The following DLGAP2 variants were observed in gnomAD, a reference collection of about 807,000 sequenced individuals.
DLGAP2 encodes disks large-associated protein 2.
In DLGAP2, 26 loss-of-function variants were observed where a neutral mutation model predicts 100.3. That is an observed-to-expected ratio of 0.26 (90% CI 0.19 to 0.36). The LOEUF is 0.36. Ranked by LOEUF, DLGAP2 falls within the 10% of genes least tolerant of loss-of-function variation. DLGAP2 has a pLI of 1.00. For synonymous variants in DLGAP2, 886 were observed against 630.1 expected (o/e 1.41, Z -6.08); for missense variants, 1,858 against 1,453.2 (o/e 1.28, Z -4.53).
chr8:1,312,231 A>G (rs534937009), intron 3 of DLGAP2, among the ~76,000 whole-genome samples: 53 of 152,318 alleles, frequency 3.5e-4, no homozygotes, highest in Middle Eastern at 6.8e-3. Flanking sequence ...TATAAAACAC[A>G]GGGTCTAGAA....
intron 2 of DLGAP2, among the ~76,000 whole-genome samples, chr8:908,800 A>T (rs1798430086): frequency 6.6e-6 from 1 of 152,216 alleles, no homozygotes; most frequent in Admixed American, 6.5e-5. Flanking sequence ...GTGTGCTGTC[A>T]AGTATGTATT....
At chr8:829,919 C>G (rs1439326793) in intron 1 of DLGAP2, among the ~76,000 whole-genome samples, 1 of 152,182 alleles carries the variant, frequency 6.6e-6, no homozygotes, top group Non-Finnish European at 1.5e-5. Context: ...GTACCAGTCT[C>G]TTGTTATTGA....
rs139369509 is a variant in DLGAP2 at position 1,174,385 on chromosome 8, C to G, written c.74-84466C>G. Among the ~76,000 whole-genome samples, 1,122 of 151,884 alleles carry G rather than the reference C, an allele frequency of 7.4e-3. 8 individuals are homozygous for G. The highest frequency in any genetic ancestry group is 0.013 in the Non-Finnish European group (880 of 67,978). On this transcript the variant is annotated intron_variant, in intron 2 of 14. Transcript: ENST00000637795. ...CCAAAATCATTATCATTACCATTACCACCATCATCATTACCATCACCAAAA... is the reference window on the plus strand; with the variant it reads ...CCAAAATCATTATCATTACCATTACGACCATCATCATTACCATCACCAAAA...
At chr8:918,938 CTGT>C (rs1798651306) in intron 2 of DLGAP2, among the ~76,000 whole-genome samples, 1 of 151,850 alleles carries the variant, frequency 6.6e-6, no homozygotes, top group African/African-American at 2.4e-5. Context: ...TTTTTTGTTG[CTGT>C]TGTTGTTTGT....
At chr8:924,084 C>T (rs1367001584) in intron 2 of DLGAP2, among the ~76,000 whole-genome samples, 1 of 152,198 alleles carries the variant, frequency 6.6e-6, no homozygotes, top group Admixed American at 6.5e-5. Context: ...AGCCTATAAA[C>T]ATGAGAAGTG....
intron 8 of DLGAP2, among the ~76,000 whole-genome samples, chr8:1,650,985 T>C (rs1051100674): frequency 5.3e-5 from 8 of 152,190 alleles, no homozygotes; most frequent in Admixed American, 5.2e-4. Context: ...CTGCTTCTCA[T>C]GTCTGCCTCC....
intron 2 of DLGAP2, among the ~76,000 whole-genome samples, chr8:1,184,327 G>T (rs1488758627): frequency 6.6e-6 from 1 of 152,270 alleles, no homozygotes; most frequent in Non-Finnish European, 1.5e-5. Context: ...AGTAGTGGGA[G>T]ATGCGTCCGA....
intron 3 of DLGAP2, among the ~76,000 whole-genome samples, chr8:1,451,714 C>G (rs1250165944): frequency 6.6e-6 from 1 of 152,190 alleles, no homozygotes; most frequent in East Asian, 1.9e-4. Context: ...CATGCTGCCT[C>G]CGCCTCAGCA....
chr8:1,692,487 A>C (rs1299146710), intron 13 of DLGAP2, among the ~76,000 whole-genome samples: 4 of 152,088 alleles, frequency 2.6e-5, no homozygotes, highest in Admixed American at 1.3e-4. Context: ...AGCAGTACCG[A>C]GGCAGGGAGG....
chr8:1,269,808 T>C (rs1168306720), intron 3 of DLGAP2, among the ~76,000 whole-genome samples: 1 of 152,128 alleles, frequency 6.6e-6, no homozygotes, highest in African/African-American at 2.4e-5. Context: ...ATTGTATTTT[T>C]AAAGCTAGAG....
chr8:1,643,399 C>T (rs1465727433), intron 8 of DLGAP2, among the ~76,000 whole-genome samples: 5 of 23,282 alleles, frequency 2.1e-4, no homozygotes, highest in African/African-American at 6.1e-4. Flanking sequence ...CCCTCGACCC[C>T]GCCGGCCCTC....
intron 1 of DLGAP2, among the ~76,000 whole-genome samples, chr8:826,300 C>A (rs1204821261): frequency 1.3e-5 from 2 of 152,196 alleles, no homozygotes; most frequent in South Asian, 2.1e-4. Flanking sequence ...CATGCAGATA[C>A]CTCTTTGATG....
intron 2 of DLGAP2, among the ~76,000 whole-genome samples, chr8:914,187 G>A (rs776898172): frequency 6.6e-6 from 1 of 152,232 alleles, no homozygotes; most frequent in Non-Finnish European, 1.5e-5. Flanking sequence ...GATTCACGCA[G>A]TGAGAACAGC....
chr8:1,542,434 C>G (rs930345637), intron 4 of DLGAP2, among the ~76,000 whole-genome samples: 2 of 152,208 alleles, frequency 1.3e-5, no homozygotes, highest in African/African-American at 2.4e-5. Flanking sequence ...AATCAACAAT[C>G]TGTTTTCCAT....
chr8:765,870 C>G (rs1821200129), intron 1 of DLGAP2, among the ~76,000 whole-genome samples: 1 of 152,108 alleles, frequency 6.6e-6, no homozygotes. Context: ...CAGGTGCACA[C>G]AAACATACCC....
intron 2 of DLGAP2, among the ~76,000 whole-genome samples, chr8:944,939 T>G (rs1008883486): frequency 5.3e-5 from 8 of 152,184 alleles, no homozygotes; most frequent in African/African-American, 1.9e-4. Context: ...ATGTGGGTGA[T>G]CTGGTGGGTG....
intron 2 of DLGAP2, among the ~76,000 whole-genome samples, chr8:1,023,536 A>G (rs1005354634): frequency 2.0e-5 from 3 of 152,024 alleles, no homozygotes; most frequent in Non-Finnish European, 4.4e-5. Flanking sequence ...AGTTACTGAG[A>G]ATGAGAATGA....
At chr8:1,031,898 G>A (rs113591707) in intron 2 of DLGAP2, among the ~76,000 whole-genome samples, 39 of 152,268 alleles carry the variant, frequency 2.6e-4, no homozygotes, top group African/African-American at 8.2e-4. Flanking sequence ...TCCATGCTAC[G>A]CTGGTCTCTC....
intron 1 of DLGAP2, among the ~76,000 whole-genome samples, chr8:758,775 T>C (rs1447187871): frequency 1.3e-5 from 2 of 152,126 alleles, no homozygotes; most frequent in African/African-American, 4.8e-5. Flanking sequence ...TTGTCCAGGC[T>C]GGTCCTGAAC....
Sources: gnomAD v4.1 joint callset for allele counts (sites outside exome capture counted in the v4.1 genomes callset) on GRCh38, gnomAD v4.1.1 for gene constraint, MANE v1.5 for transcripts, NCBI Gene and HGNC (gene_info 2026-07-23, HGNC 2026-07-21) for gene names.